The following TNIK variants were observed in gnomAD, a reference collection of about 807,000 sequenced individuals.
The protein encoded by TNIK is TRAF2 and NCK interacting kinase, also known as TRAF2 and NCK-interacting protein kinase.
In TNIK, 49 loss-of-function variants were observed where a neutral mutation model predicts 191.3. That is an observed-to-expected ratio of 0.26 (90% CI 0.20 to 0.32). The LOEUF (loss-of-function observed/expected upper bound fraction) is 0.32. TNIK is among the 10% of genes least tolerant of loss of function. The pLI is 1.00. For missense variants in TNIK, 1,155 were observed against 1,702.3 expected (o/e 0.68, Z 5.66); for synonymous variants, 594 against 600.9 (o/e 0.99, Z 0.17).
At chr3:171,170,912 C>G (rs1027766290) in intron 9 of TNIK, among the ~76,000 whole-genome samples, 2 of 152,160 alleles carry the variant, frequency 1.3e-5, no homozygotes, top group Middle Eastern at 3.4e-3. Context: ...AGTAGCTGAG[C>G]ATGGTGGCAT....
chr3:171,107,073 C>A, intron 21 of TNIK, 110 bp downstream of exon 21: 1 of 1,158,040 alleles, frequency 8.6e-7, no homozygotes. Context: ...TGCTACAAAT[C>A]TCCTCCCAGC....
chr3:171,395,322 A>G (rs1720080656), intron 1 of TNIK, among the ~76,000 whole-genome samples: 1 of 152,204 alleles, frequency 6.6e-6, no homozygotes, highest in South Asian at 2.1e-4. Context: ...TCATCAGTAA[A>G]ACAGGGATTA....
chr3:171,388,045 C>G (rs1019844714), intron 1 of TNIK, among the ~76,000 whole-genome samples: 3 of 152,152 alleles, frequency 2.0e-5, no homozygotes, highest in Non-Finnish European at 4.4e-5. Flanking sequence ...AACTAATTGA[C>G]TATTTAATGT....
chr3:171,424,546 C>A (rs1047001532), intron 1 of TNIK, among the ~76,000 whole-genome samples: 1 of 152,006 alleles, frequency 6.6e-6, no homozygotes, highest in East Asian at 1.9e-4. Flanking sequence ...ATGTTTATTG[C>A]GGCACTATTC....
chr3:171,232,941 T>C (rs1185426001), intron 2 of TNIK, among the ~76,000 whole-genome samples: 1 of 152,166 alleles, frequency 6.6e-6, no homozygotes, highest in Admixed American at 6.5e-5. Flanking sequence ...AAGCTTCACT[T>C]TTGTTATTGT....
intron 2 of TNIK, among the ~76,000 whole-genome samples, chr3:171,302,710 T>C (rs1753014661): frequency 6.6e-6 from 1 of 152,230 alleles, no homozygotes; most frequent in African/African-American, 2.4e-5. Context: ...TTGTAAATAA[T>C]GTTTTAGTAT....
chr3:171,400,398 CTACAAAAAATTT>C (rs1720774911), intron 1 of TNIK, among the ~76,000 whole-genome samples: 1 of 151,886 alleles, frequency 6.6e-6, no homozygotes, highest in Admixed American at 6.6e-5. Context: ...GACCTCATCT[CTACAAAAAATTT>C]TACAAAAAAT....
intron 9 of TNIK, among the ~76,000 whole-genome samples, chr3:171,171,447 A>T (rs1448046467): frequency 6.6e-6 from 1 of 152,176 alleles, no homozygotes; most frequent in Non-Finnish European, 1.5e-5. Flanking sequence ...AGGAGGCTAG[A>T]ACTCGTGCAA....
chr3:171,379,061 G>T (rs78925147), intron 1 of TNIK, among the ~76,000 whole-genome samples: 2 of 152,128 alleles, frequency 1.3e-5, no homozygotes, highest in Non-Finnish European at 2.9e-5. Context: ...TTAAGAAATC[G>T]ATTTCATTCA....
intron 2 of TNIK, among the ~76,000 whole-genome samples, chr3:171,284,027 T>TAC (rs980393337): frequency 6.6e-6 from 1 of 152,188 alleles, no homozygotes; most frequent in African/African-American, 2.4e-5. Context: ...ATTTGCCCGT[T>TAC]ATCCCCTGAG....
chr3:171,279,677 A>G (rs1249138994), intron 2 of TNIK, among the ~76,000 whole-genome samples: 1 of 151,594 alleles, frequency 6.6e-6, no homozygotes, highest in Non-Finnish European at 1.5e-5. Flanking sequence ...TTTTTTGACA[A>G]TAGCAATGAC....
At chr3:171,363,556 T>G (rs1037486394) in intron 2 of TNIK, among the ~76,000 whole-genome samples, 1 of 152,216 alleles carries the variant, frequency 6.6e-6, no homozygotes, top group Non-Finnish European at 1.5e-5. Context: ...TCTCCCATAC[T>G]CACTCCTTGC....
At chr3:171,329,440 A>C (rs1451041109) in intron 2 of TNIK, among the ~76,000 whole-genome samples, 4 of 152,214 alleles carry the variant, frequency 2.6e-5, no homozygotes, top group Non-Finnish European at 5.9e-5. Context: ...CAAACTGCAG[A>C]TCTTTTCTAA....
At chr3:171,314,891 C>T (rs1282610617) in intron 2 of TNIK, among the ~76,000 whole-genome samples, 7 of 152,120 alleles carry the variant, frequency 4.6e-5, no homozygotes, top group Admixed American at 4.6e-4. Flanking sequence ...TCAAGTATCA[C>T]TGAACATCTT....
intron 12 of TNIK, among the ~76,000 whole-genome samples, chr3:171,146,148 C>T (rs561476049): frequency 6.6e-6 from 1 of 152,302 alleles, no homozygotes; most frequent in South Asian, 2.1e-4. Context: ...TGGTGACCGC[C>T]CTGGGCAACA....
chr3:171,400,603 T>C (rs900610278), intron 1 of TNIK, among the ~76,000 whole-genome samples: 4 of 152,034 alleles, frequency 2.6e-5, no homozygotes, highest in Admixed American at 1.3e-4. Context: ...AATAAAGTGC[T>C]AGATCCAGAC....
intron 4 of TNIK, among the ~76,000 whole-genome samples, chr3:171,210,386 G>T (rs185648216): frequency 8.5e-5 from 13 of 152,302 alleles, no homozygotes; most frequent in Admixed American, 8.5e-4. Flanking sequence ...AACCAGGAAG[G>T]CTCCGCACAG....
intron 1 of TNIK, among the ~76,000 whole-genome samples, chr3:171,409,591 A>C (rs1577828396): frequency 6.6e-6 from 1 of 151,840 alleles, no homozygotes; most frequent in Non-Finnish European, 1.5e-5. Flanking sequence ...TAAATTGTTC[A>C]AAATAAACAG....
At chr3:171,345,489 T>C (rs1712015636) in intron 2 of TNIK, among the ~76,000 whole-genome samples, 4 of 152,114 alleles carry the variant, frequency 2.6e-5, no homozygotes, top group African/African-American at 9.6e-5. Context: ...GGTAGTTAAA[T>C]CTTAGGCTCA....
Sources: allele counts gnomAD v4.1 joint callset (sites outside exome capture counted in the v4.1 genomes callset), GRCh38; gene constraint gnomAD v4.1.1; transcripts MANE v1.5; gene names NCBI Gene and HGNC (gene_info 2026-07-23, HGNC 2026-07-21).